BRD4: variants seen among roughly 807,000 people sequenced by gnomAD.
The protein encoded by BRD4 is bromodomain-containing protein 4.
A neutral mutation model predicts 142.1 loss-of-function variants in BRD4; 16 were observed. That is an observed-to-expected ratio of 0.11 (90% CI 0.08 to 0.17). BRD4 has a LOEUF of 0.17. Ranked by LOEUF, BRD4 falls within the 10% of genes least tolerant of loss-of-function variation. BRD4 has a pLI of 1.00. For synonymous variants in BRD4, 833 were observed against 707.5 expected, an observed-to-expected ratio of 1.18 and a Z score of -2.82; for missense variants, 1,424 against 1,810.9, an observed-to-expected ratio of 0.79 and a Z score of 3.88.
At chr19:15,323,335 C>A (rs776812836) in intron 1 of BRD4, among the ~76,000 whole-genome samples, 4 of 152,066 alleles carry the variant, frequency 2.6e-5, no homozygotes, top group Non-Finnish European at 5.9e-5. Flanking sequence ...AGGCAGATGT[C>A]CCCTGCTGAG....
At chr19:15,289,762 T>G (rs2145664432) in intron 1 of BRD4, among the ~76,000 whole-genome samples, 1 of 151,734 alleles carries the variant, frequency 6.6e-6, no homozygotes, top group South Asian at 2.1e-4. Context: ...AGGAAAGATG[T>G]GGCTCACAAG....
At chr19:15,286,095 C>G (rs888788782) in intron 1 of BRD4, among the ~76,000 whole-genome samples, 12 of 152,186 alleles carry the variant, frequency 7.9e-5, no homozygotes, top group African/African-American at 2.9e-4. Context: ...GTCCCAATAC[C>G]CTCCCACCAA....
intron 1 of BRD4, among the ~76,000 whole-genome samples, chr19:15,326,075 T>C (rs1599534049): frequency 7.3e-6 from 1 of 137,844 alleles, no homozygotes; most frequent in Non-Finnish European, 1.5e-5. Flanking sequence ...AATAGCAGAA[T>C]TAAGTTATGG....
rs1000363868 is a variant in BRD4 at position 15,238,736 on chromosome 19, G to A, written c.4020+7C>T. On this transcript the variant is annotated splice_region_variant and intron_variant, in intron 19 of 19. Coordinates refer to ENST00000679869, the MANE Select transcript of BRD4 (RefSeq NM_001379291.1). The surrounding 1 kb of genome is among the most constrained non-coding windows in gnomAD (Gnocchi z 7.2). The stretch of plus-strand genomic sequence containing the variant: ...GACCAGGGTCCCCACCAGGCCTCCA[G>A]ACTCACGGCTTCCCGGCGTCTTCGC... 1.3e-6 allele frequency: 2 copies of A among 1,528,132 alleles called. No individual in the cohort carries two copies. The highest frequency in any genetic ancestry group is 1.8e-6 in the Non-Finnish European group (2 of 1,136,148). 94.7% of individuals were successfully genotyped at this position (1,528,132 alleles called of 1,614,324 possible). A position where few individuals can be genotyped will look rare whatever the true frequency, so the allele number is the denominator to read the frequency against.
chr19:15,292,005 C>A (rs1465972726), intron 1 of BRD4, among the ~76,000 whole-genome samples: 1 of 152,174 alleles, frequency 6.6e-6, no homozygotes, highest in Non-Finnish European at 1.5e-5. Flanking sequence ...TAATTCCTTC[C>A]ACTATACCAG....
chr19:15,289,529 C>T (rs1285333091), intron 1 of BRD4, among the ~76,000 whole-genome samples: 3 of 151,996 alleles, frequency 2.0e-5, no homozygotes, highest in Admixed American at 6.6e-5. Flanking sequence ...CCAGCCTGGG[C>T]AACAAGAGCG....
At chr19:15,291,200 T>A (rs1313175247) in intron 1 of BRD4, among the ~76,000 whole-genome samples, 1 of 152,156 alleles carries the variant, frequency 6.6e-6, no homozygotes, top group East Asian at 1.9e-4. Context: ...AAGAACAGAC[T>A]GCAAATCAGC....
In BRD4 at chr19:15,237,190, A is replaced by G. The variant is rs1312226624; in HGVS notation, c.*1187T>C. The G allele has an allele frequency of 1.7e-5, 3 of 177,160 alleles. No individual in the cohort carries two copies. Among genetic ancestry groups the G allele is most frequent in the Non-Finnish European group, 3.5e-5 (3 of 86,804 alleles). 11.0% of individuals were successfully genotyped at this position (177,160 alleles called of 1,614,324 possible). A position where few individuals can be genotyped will look rare whatever the true frequency, so the allele number is the denominator to read the frequency against. ...AAAAACAAAAACAAAAACCAAAACCAAAAAAACCAACTCAACAGATCTGAC... is the reference window on the plus strand; with the variant it reads ...AAAAACAAAAACAAAAACCAAAACCGAAAAAACCAACTCAACAGATCTGAC... On this transcript the variant is annotated 3_prime_UTR_variant, in exon 20 of 20. Coordinates refer to ENST00000679869, the MANE Select transcript of BRD4 (RefSeq NM_001379291.1).
chr19:15,256,347 C>T, intron 8 of BRD4, 84 bp from the exon 9 acceptor site: 1 of 1,501,252 alleles, frequency 6.7e-7, no homozygotes, highest in Non-Finnish European at 9.0e-7. Context: ...CTCCAAAAAA[C>T]ATGCGACAGC....
chr19:15,237,960 G>C lies in BRD4; in HGVS notation c.*417C>G, dbSNP rs200086926. 1 of 242,588 alleles carries C rather than the reference G, an allele frequency of 4.1e-6. No individual in the cohort carries two copies. The highest frequency in any genetic ancestry group is 8.0e-6 in the Non-Finnish European group (1 of 124,344). 15.0% of individuals were successfully genotyped at this position (242,588 alleles called of 1,614,324 possible). Reference sequence around the variant, plus strand: ...CGGCGATGGCTGGGGTGTGGGGAAAGACTCCCGGCGGGCAGGACATCACGA... The same window carrying C: ...CGGCGATGGCTGGGGTGTGGGGAAACACTCCCGGCGGGCAGGACATCACGA... On this transcript the variant is annotated 3_prime_UTR_variant, in exon 20 of 20. Transcript: ENST00000679869.
chr19:15,264,712 G>A lies in BRD4; in HGVS notation c.904C>T (p.Pro302Ser), dbSNP rs2047512892. Residue 302 changes from proline to serine, a missense_variant, in exon 6 of 20, where the codon CCC (proline) becomes TCC (serine). By Grantham distance (74) the Pro-to-Ser change is moderately conservative. This residue lies in a region of BRD4 where 86 missense variants were observed against 79.9 expected (regional missense o/e 1.08). Transcript: ENST00000679869. ...ADTTTPTTID[P>S]IHEPPSLPPE... ...GGCAGCGAGGGTGGCTCGTGAATGGGGTCAATGGTGGTGGGGGTGGTGGTG... is the reference window on the plus strand; with the variant it reads ...GGCAGCGAGGGTGGCTCGTGAATGGAGTCAATGGTGGTGGGGGTGGTGGTG... 1 of 1,612,894 alleles carries A rather than the reference G, an allele frequency of 6.2e-7. No individual in the cohort carries two copies. Among genetic ancestry groups the A allele is most frequent in the Middle Eastern group, 2.0e-4 (1 of 5,120 alleles).
chr19:15,327,582 T>C (rs1243606779), intron 1 of BRD4, among the ~76,000 whole-genome samples: 4 of 152,090 alleles, frequency 2.6e-5, no homozygotes, highest in African/African-American at 9.7e-5. Context: ...CACAAATGTA[T>C]TTTTAACAGT....
At chr19:15,328,098 T>G (rs778368941) in intron 1 of BRD4, among the ~76,000 whole-genome samples, 5 of 152,196 alleles carry the variant, frequency 3.3e-5, no homozygotes, top group Non-Finnish European at 5.9e-5. Flanking sequence ...TATACATAAT[T>G]GATATTCAAT....
chr19:15,247,528 C>T (rs2047300518), intron 11 of BRD4: 1 of 233,110 alleles, frequency 4.3e-6, no homozygotes, highest in Non-Finnish European at 8.5e-6. Context: ...TGGAGGAGAG[C>T]TGGCTTGTGG....
intron 1 of BRD4, among the ~76,000 whole-genome samples, chr19:15,315,334 A>G (rs983741512): frequency 6.6e-6 from 1 of 152,186 alleles, no homozygotes; most frequent in Non-Finnish European, 1.5e-5. Flanking sequence ...CACCGGAGAC[A>G]TTAGGATCCC....
chr19:15,331,663 A>C (rs1242929275), intron 1 of BRD4, among the ~76,000 whole-genome samples: 1 of 151,934 alleles, frequency 6.6e-6, no homozygotes, highest in Non-Finnish European at 1.5e-5. Flanking sequence ...GACCGCCGGG[A>C]AGGTGAAGAG....
chr19:15,242,422 G>C (rs542503672), intron 14 of BRD4, among the ~76,000 whole-genome samples: 1 of 152,328 alleles, frequency 6.6e-6, no homozygotes, highest in East Asian at 1.9e-4. Flanking sequence ...AACAGGCGAT[G>C]AGGACAGGTC....
chr19:15,309,964 C>T (rs1029005496), intron 1 of BRD4, among the ~76,000 whole-genome samples: 2 of 152,178 alleles, frequency 1.3e-5, no homozygotes, highest in Non-Finnish European at 2.9e-5. Flanking sequence ...CACCTGTTCT[C>T]TGTCTGCTCA....
At chr19:15,262,480 G>A (rs1202266150) in intron 7 of BRD4, among the ~76,000 whole-genome samples, 1 of 150,288 alleles carries the variant, frequency 6.7e-6, no homozygotes, top group African/African-American at 2.5e-5. Flanking sequence ...CTTAAGCCCA[G>A]GGGTTCCAGA....
Sources: allele counts gnomAD v4.1 joint callset (sites outside exome capture counted in the v4.1 genomes callset), GRCh38; gene constraint gnomAD v4.1.1; regional missense constraint gnomAD v4.1.1; non-coding constraint Gnocchi (gnomAD v3.1); transcripts MANE v1.5; gene names NCBI Gene and HGNC (gene_info 2026-07-23, HGNC 2026-07-21).